Variants in PDE1C observed in about 807,000 individuals in gnomAD.
The protein encoded by PDE1C is dual specificity calcium/calmodulin-dependent 3',5'-cyclic nucleotide phosphodiesterase 1C.
Under a neutral mutation model 93.1 loss-of-function variants are expected in PDE1C, and 62 were observed. That is an observed-to-expected ratio of 0.67 (90% CI 0.54 to 0.82). The LOEUF is 0.82. Among genes scored for constraint, PDE1C ranks in the 40% least tolerant of loss-of-function variants. The pLI is 0.00. For synonymous variants in PDE1C, 325 were observed against 310.1 expected (o/e 1.05, Z -0.50); for missense variants, 742 against 884.6 (o/e 0.84, Z 2.04).
At chr7:31,907,320 C>T (rs974490344) in intron 2 of PDE1C, among the ~76,000 whole-genome samples, 4 of 152,074 alleles carry the variant, frequency 2.6e-5, no homozygotes, top group Non-Finnish European at 4.4e-5. Context: ...TGAGTTATAA[C>T]TCAGTCTATA....
chr7:31,955,232 T>C (rs1396378542), intron 2 of PDE1C, among the ~76,000 whole-genome samples: 2 of 152,200 alleles, frequency 1.3e-5, no homozygotes, highest in African/African-American at 2.4e-5. Context: ...GATTACATTA[T>C]GCACAATTCA....
chr7:31,746,017 T>C, the PDE1C span, among the ~76,000 whole-genome samples: 3 of 95,316 alleles, frequency 3.1e-5, no homozygotes, highest in Admixed American at 1.1e-4. Flanking sequence ...GTACTGAGTC[T>C]TCTCAGTGAC....
In PDE1C at chr7:31,815,973, A is replaced by T. The variant is rs1316091813; in HGVS notation, c.1764T>A (p.Arg588=). The part of the protein sequence containing the change: ...GTRANKSDNP[R]GKNSKAEKSS... ...ACTTCTCGGCTTTGGAGTTTTTCCCACGAGGGTTGTCACTTTTGTTTGCCC... is the reference window on the plus strand; with the variant it reads ...ACTTCTCGGCTTTGGAGTTTTTCCCTCGAGGGTTGTCACTTTTGTTTGCCC... Residue 588 remains arginine, a synonymous_variant, in exon 15 of 18, where the codon CGT becomes CGA. Transcript: ENST00000396191. 1.2e-6 allele frequency: 2 copies of T among 1,613,946 alleles called. No individual in the cohort carries two copies. Among genetic ancestry groups the T allele is most frequent in the Admixed American group, 1.7e-5 (1 of 59,998 alleles).
intron 1 of PDE1C, among the ~76,000 whole-genome samples, chr7:32,376,387 T>C (rs1784432618): frequency 6.6e-6 from 1 of 152,212 alleles, no homozygotes; most frequent in Non-Finnish European, 1.5e-5. Context: ...ATATGTGGTA[T>C]CATGCTTTTT....
At chr7:31,797,346 G>A (rs1420299890) in intron 16 of PDE1C, among the ~76,000 whole-genome samples, 5 of 151,708 alleles carry the variant, frequency 3.3e-5, no homozygotes, top group Admixed American at 6.6e-5. Context: ...AGGCTGCAGT[G>A]GGATACCTTC....
intron 3 of PDE1C, among the ~76,000 whole-genome samples, chr7:32,099,105 A>G (rs1407134773): frequency 1.3e-5 from 2 of 152,248 alleles, no homozygotes; most frequent in Non-Finnish European, 2.9e-5. Context: ...TTGCTATAGC[A>G]ACAATGGTTA....
chr7:32,379,531 A>G (rs1352217169), intron 1 of PDE1C, among the ~76,000 whole-genome samples: 1 of 152,170 alleles, frequency 6.6e-6, no homozygotes, highest in African/African-American at 2.4e-5. Context: ...TTCCACCCCT[A>G]CAAGAGTTGC....
At chr7:31,713,111 C>G in the PDE1C span, among the ~76,000 whole-genome samples, 1 of 152,204 alleles carries the variant, frequency 6.6e-6, no homozygotes, top group Non-Finnish European at 1.5e-5. Context: ...AGTCCAAAGT[C>G]TCATCTGGGA....
the PDE1C span, among the ~76,000 whole-genome samples, chr7:31,664,188 C>G: frequency 6.6e-6 from 1 of 152,196 alleles, no homozygotes; most frequent in East Asian, 1.9e-4. Context: ...GCCAGAGCCA[C>G]AGACATTCCA....
At chr7:31,791,415 A>G (rs1197012242) in intron 16 of PDE1C, among the ~76,000 whole-genome samples, 1 of 152,164 alleles carries the variant, frequency 6.6e-6, no homozygotes, top group East Asian at 1.9e-4. Flanking sequence ...AAGGAGGTGA[A>G]ACAAAAGCTG....
chr7:32,190,184 G>A (rs1804141414), intron 2 of PDE1C, among the ~76,000 whole-genome samples: 1 of 152,190 alleles, frequency 6.6e-6, no homozygotes, highest in Admixed American at 6.5e-5. Flanking sequence ...AAGAATCGCA[G>A]CTGCAAATGT....
chr7:31,955,778 C>A (rs1584173146), intron 2 of PDE1C, among the ~76,000 whole-genome samples: 1 of 152,176 alleles, frequency 6.6e-6, no homozygotes, highest in Admixed American at 6.5e-5. Context: ...AAGGAATATA[C>A]TGATTTACCA....
At chr7:32,186,106 T>G (rs1234779187) in intron 2 of PDE1C, among the ~76,000 whole-genome samples, 2,101 of 132,332 alleles carry the variant, frequency 0.016, 72 homozygotes, top group African/African-American at 0.051. Context: ...TTTTTTTTTT[T>G]TTTTTTTGAG....
intron 1 of PDE1C, among the ~76,000 whole-genome samples, chr7:32,216,772 T>C (rs1410259754): frequency 6.6e-6 from 1 of 152,164 alleles, no homozygotes. Flanking sequence ...CCAAACCCTA[T>C]GTAAACCCAG....
At chr7:32,020,110 C>T (rs757953112) in intron 2 of PDE1C, among the ~76,000 whole-genome samples, 29 of 152,096 alleles carry the variant, frequency 1.9e-4, no homozygotes, top group Non-Finnish European at 3.8e-4. Flanking sequence ...CCCTCAGGCT[C>T]TCAAGTGGTC....
intron 17 of PDE1C, among the ~76,000 whole-genome samples, chr7:31,765,337 G>T (rs1795076670): frequency 6.6e-6 from 1 of 152,000 alleles, no homozygotes; most frequent in Non-Finnish European, 1.5e-5. Context: ...TTTATAATGT[G>T]GTTATAAATT....
intron 3 of PDE1C, among the ~76,000 whole-genome samples, chr7:32,143,799 G>A (rs1448349197): frequency 1.3e-5 from 2 of 151,982 alleles, no homozygotes; most frequent in Non-Finnish European, 2.9e-5. Context: ...GAAGTTGTGC[G>A]AAGTATTACA....
chr7:32,331,379 T>C (rs1783512075), intron 1 of PDE1C, among the ~76,000 whole-genome samples: 1 of 152,080 alleles, frequency 6.6e-6, no homozygotes, highest in South Asian at 2.1e-4. Context: ...AGTTTACAGG[T>C]TAGTGGGGAA....
chr7:31,691,968 T>A, the PDE1C span, among the ~76,000 whole-genome samples: 2 of 152,182 alleles, frequency 1.3e-5, no homozygotes, highest in Admixed American at 1.3e-4. Flanking sequence ...GTGACTAAAT[T>A]AATTAAATTT....
Sources: allele counts gnomAD v4.1 joint callset (sites outside exome capture counted in the v4.1 genomes callset), GRCh38; gene constraint gnomAD v4.1.1; transcripts MANE v1.5; gene names NCBI Gene and HGNC (gene_info 2026-07-23, HGNC 2026-07-21).